Variants in FZR1 observed in about 807,000 individuals in gnomAD.
The protein encoded by FZR1 is fizzy-related protein homolog.
Under a neutral mutation model 63.6 loss-of-function variants are expected in FZR1, and 11 were observed. That is an observed-to-expected ratio of 0.17 (90% CI 0.11 to 0.29). The LOEUF is 0.29. Among genes scored for constraint, FZR1 ranks in the 10% least tolerant of loss-of-function variants. The pLI is 1.00. For synonymous variants in FZR1, 328 were observed against 297.9 expected (o/e 1.10, Z -1.04); for missense variants, 440 against 687.5 (o/e 0.64, Z 4.03).
intron 7 of FZR1, among the ~76,000 whole-genome samples, chr19:3,529,954 G>T (rs2083222446): frequency 8.2e-6 from 1 of 121,890 alleles, no homozygotes; most frequent in Admixed American, 8.1e-5. Context: ...GTGAGCAGAT[G>T]CAAGAGTGGA....
chr19:3,534,064 C>CAT (rs113657846), intron 12 of FZR1, among the ~76,000 whole-genome samples: 13,186 of 151,562 alleles, frequency 0.087, 1,929 homozygotes, highest in African/African-American at 0.3. Context: ...CTCTACAAAA[C>CAT]TTTTTTTAAA....
chr19:3,508,371 T>C (rs2083001331), intron 1 of FZR1, among the ~76,000 whole-genome samples: 1 of 152,032 alleles, frequency 6.6e-6, no homozygotes, highest in Non-Finnish European at 1.5e-5. Context: ...ATTTTTGTAT[T>C]TTAAGTAGAG....
intron 2 of FZR1, among the ~76,000 whole-genome samples, chr19:3,523,374 C>A (rs2083121481): frequency 6.6e-6 from 1 of 152,322 alleles, no homozygotes; most frequent in African/African-American, 2.4e-5. Flanking sequence ...TGTCTCCAAG[C>A]CCCAGGCACA....
chr19:3,524,893 C>G (rs1427474134), intron 2 of FZR1, among the ~76,000 whole-genome samples: 1 of 152,176 alleles, frequency 6.6e-6, no homozygotes, highest in Non-Finnish European at 1.5e-5. Context: ...ATGGCTTCCT[C>G]TTGAGTATAA....
At position 3,515,277 on chromosome 19, in the gene FZR1, T is replaced by C. The variant is rs1487780600; in HGVS notation, c.-34-7679T>C. Among the ~76,000 whole-genome samples, 1 of 152,188 alleles carries C rather than the reference T, an allele frequency of 6.6e-6. No homozygotes were observed. ...AGCCTTTCCACACGGCCACACACGT[T>C]GTCTGTGCTCAGGAATTACTTAACA... On this transcript the variant is annotated intron_variant, in intron 1 of 13. Transcript: ENST00000441788. This position sits in a 1 kb window ranked among gnomAD's most constrained non-coding sequence, Gnocchi z 4.6.
At chr19:3,529,707 G>T (rs2083212932) in intron 7 of FZR1, among the ~76,000 whole-genome samples, 1 of 138,466 alleles carries the variant, frequency 7.2e-6, no homozygotes, top group Admixed American at 7.2e-5. Context: ...TGAGCGGATG[G>T]GAGAGCGGAT....
intron 8 of FZR1, 140 bp downstream of exon 8, chr19:3,530,997 C>T (rs1220942905): frequency 1.6e-6 from 1 of 632,356 alleles, no homozygotes; most frequent in African/African-American, 1.8e-5. Context: ...CCCCACTGTC[C>T]CCGGCCTTAG....
chr19:3,530,345 TGAGCAGAAGGGA>T (rs1178433385), intron 7 of FZR1, among the ~76,000 whole-genome samples: 2 of 89,672 alleles, frequency 2.2e-5, no homozygotes, highest in Non-Finnish European at 4.4e-5. Flanking sequence ...AGTGGATGGT[TGAGCAGAAGGGA>T]GAGCGGATGG....
At position 3,525,178 on chromosome 19, in the gene FZR1, G is replaced by A. The variant is rs1443515907; in HGVS notation, c.70-690G>A. Among the ~76,000 whole-genome samples the A allele has an allele frequency of 6.6e-6, 1 of 152,176 alleles. No homozygotes were observed. The highest frequency in any genetic ancestry group is 1.5e-5 in the Non-Finnish European group (1 of 68,034). ...CTGCGTCTGTGATCATCTAGAGACG[G>A]TGAATGCATGGCACCTGCGCAGCGT... On this transcript the variant is annotated intron_variant, in intron 2 of 13. Transcript: ENST00000441788. The surrounding 1 kb of genome is among the most constrained non-coding windows in gnomAD (Gnocchi z 4.2).
At chr19:3,510,169 C>T (rs538739948) in intron 1 of FZR1, among the ~76,000 whole-genome samples, 1 of 152,252 alleles carries the variant, frequency 6.6e-6, no homozygotes, top group South Asian at 2.1e-4. Context: ...TGGAGTCTCA[C>T]TTTGTTACCT....
chr19:3,506,345 C>T lies in FZR1; in HGVS notation c.-164C>T, dbSNP rs2082982252. 1 of 150,974 alleles carries T rather than the reference C, an allele frequency of 6.6e-6. No individual in the cohort carries two copies. Among genetic ancestry groups the T allele is most frequent in the Non-Finnish European group, 1.5e-5 (1 of 67,644 alleles). The allele number at this position is 150,974 out of a possible 1,614,324, so 9.4% of individuals were successfully genotyped here. A position where few individuals can be genotyped will look rare whatever the true frequency, so the allele number is the denominator to read the frequency against. On this transcript the variant is annotated 5_prime_UTR_variant, in exon 1 of 14. Transcript: ENST00000441788. ...GCGACCGCCGCCATATTAGGGACCG[C>T]GGAGCCCGGGATCCCGTCAGCGGCG... is the stretch of plus-strand genomic sequence containing the variant.
intron 1 of FZR1, among the ~76,000 whole-genome samples, chr19:3,521,910 G>A (rs1050090503): frequency 6.7e-6 from 1 of 148,810 alleles, no homozygotes; most frequent in Non-Finnish European, 1.5e-5. Flanking sequence ...AGGCTGGAGT[G>A]TAGTGGCATG....
rs2083269685 is a variant in FZR1, at chr19:3,533,682, A to G, written c.1347+284A>G. The stretch of plus-strand genomic sequence containing the variant: ...TCCCCATAAAGAGGGGTGAAGAGGA[A>G]AGCCAAAACCAACTCACAGCTGACC... On this transcript the variant is annotated intron_variant, in intron 12 of 13. Coordinates refer to ENST00000441788, the MANE Select transcript of FZR1 (RefSeq NM_016263.4). The surrounding 1 kb of genome is among the most constrained non-coding windows in gnomAD (Gnocchi z 4.9). 7.4e-6 allele frequency: 3 copies of G among 407,312 alleles called. No individual in the cohort carries two copies. The highest frequency in any genetic ancestry group is 4.8e-5 in the East Asian group (1 of 20,928). The allele number at this position is 407,312 out of a possible 1,614,324, so 25.2% of individuals were successfully genotyped here.
rs915283618 is a variant in FZR1, at chr19:3,525,600, G to A, written c.70-268G>A. Among the ~76,000 whole-genome samples the A allele has an allele frequency of 1.1e-4, 17 of 151,842 alleles. No individual in the cohort carries two copies. Among genetic ancestry groups the A allele is most frequent in the Admixed American group, 2.0e-4 (3 of 15,256 alleles). On this transcript the variant is annotated intron_variant, in intron 2 of 13. Coordinates refer to ENST00000441788, the MANE Select transcript of FZR1 (RefSeq NM_016263.4). This position sits in a 1 kb window ranked among gnomAD's most constrained non-coding sequence, Gnocchi z 4.2. ...TGGGACTACAGGCGCCTGCCACCAC[G>A]CCCGGCTGATTTTTTGTATTTTTAG...
chr19:3,520,874 AGT>A (rs1355742868), intron 1 of FZR1, among the ~76,000 whole-genome samples: 4 of 152,242 alleles, frequency 2.6e-5, no homozygotes, highest in African/African-American at 9.6e-5. Context: ...GACGCAAGCC[AGT>A]GCATGCCTCA....
Position 3,526,354 on chromosome 19 carries a change from C to T in FZR1, c.355C>T (p.Pro119Ser), listed in dbSNP as rs538723834. Residue 119 changes from proline (P) to serine (S), a missense_variant, in exon 5 of 14, where the codon CCC becomes TCC. By Grantham distance (74) the Pro-to-Ser change is moderately conservative. Coordinates refer to ENST00000441788, the MANE Select transcript of FZR1 (RefSeq NM_016263.4). This position sits in a 1 kb window ranked among gnomAD's most constrained non-coding sequence, Gnocchi z 5.4. ...GCAGACTGAGGACCGCAGGCTGCAG[C>T]CCTCCACGCCTGAGAAGAAGGGTCT... ...DPQTEDRRLQPSTPEKKGLFT... is the reference protein window; with the variant it reads ...DPQTEDRRLQSSTPEKKGLFT... The T allele has an allele frequency of 1.3e-6, 2 of 1,598,084 alleles. No homozygotes were observed. Among genetic ancestry groups the T allele is most frequent in the South Asian group, 1.1e-5 (1 of 89,190 alleles).
chr19:3,530,776 T>C lies in FZR1; in HGVS notation c.655-16T>C, dbSNP rs766562817. On this transcript the variant is annotated splice_polypyrimidine_tract_variant and intron_variant, in intron 7 of 13. Transcript: ENST00000441788. ...TCGAGACCAGCGGCAAAGCTCACAC[T>C]GACCTCTGCCTCCAGGTGACGCGGC... The C allele has an allele frequency of 6.2e-7, 1 of 1,609,484 alleles. No individual in the cohort carries two copies. The highest frequency in any genetic ancestry group is 8.5e-7 in the Non-Finnish European group (1 of 1,177,178).
At position 3,537,708 on chromosome 19, in the gene FZR1, G is replaced by C. The variant is rs1408008949; in HGVS notation, c.*2872G>C. ...TGGTTTTGAGGCTCGCTCTTGCGCGGTGCCTGAGAAGAGGGTGAAGGAGCT... is the reference window on the plus strand; with the variant it reads ...TGGTTTTGAGGCTCGCTCTTGCGCGCTGCCTGAGAAGAGGGTGAAGGAGCT... On this transcript the variant is annotated 3_prime_UTR_variant, in exon 14 of 14. Coordinates refer to ENST00000441788, the MANE Select transcript of FZR1 (RefSeq NM_016263.4). 1 of 152,770 alleles carries C rather than the reference G, an allele frequency of 6.5e-6. No homozygotes were observed. The highest frequency in any genetic ancestry group is 2.4e-5 in the African/African-American group (1 of 41,456). 9.5% of individuals were successfully genotyped at this position (152,770 alleles called of 1,614,324 possible). A position where few individuals can be genotyped will look rare whatever the true frequency, so the allele number is the denominator to read the frequency against.
At chr19:3,510,258 TC>T (rs2083015258) in intron 1 of FZR1, among the ~76,000 whole-genome samples, 1 of 152,138 alleles carries the variant, frequency 6.6e-6, no homozygotes, top group South Asian at 2.1e-4. Context: ...CACCTCAGTC[TC>T]CCGAGTAGCT....
Sources: allele counts gnomAD v4.1 joint callset (sites outside exome capture counted in the v4.1 genomes callset), GRCh38; gene constraint gnomAD v4.1.1; non-coding constraint Gnocchi (gnomAD v3.1); transcripts MANE v1.5; gene names NCBI Gene and HGNC (gene_info 2026-07-23, HGNC 2026-07-21).